MYOM1: variants seen among roughly 807,000 people sequenced by gnomAD.
The protein encoded by MYOM1 is myomesin-1.
A neutral mutation model predicts 205.3 loss-of-function variants in MYOM1; 164 were observed. The observed-to-expected ratio is 0.80, with a 90% CI of 0.70 to 0.91. The LOEUF (loss-of-function observed/expected upper bound fraction) is 0.91, where lower values mean the gene tolerates loss of function less well. MYOM1 is among the 40% of genes least tolerant of loss of function. The pLI, the probability that MYOM1 is intolerant of heterozygous loss-of-function variation, is 0.00. For missense variants in MYOM1, 2,011 were observed against 2,127.3 expected, an observed-to-expected ratio of 0.95 and a Z score of 1.08; for synonymous variants, 772 against 789.4, an observed-to-expected ratio of 0.98 and a Z score of 0.37.
At chr18:3,242,103 A>T in the MYOM1 span, among the ~76,000 whole-genome samples, 1 of 152,052 alleles carries the variant, frequency 6.6e-6, no homozygotes. Context: ...TGGACTGTGG[A>T]CTTCTGAGTT....
At chr18:3,215,355 G>A (rs1383571878) in intron 1 of MYOM1, 104 bp from the exon 2 acceptor site, 6 of 946,568 alleles carry the variant, frequency 6.3e-6, no homozygotes, top group Non-Finnish European at 9.2e-6. Context: ...GCTGGGTGCG[G>A]TGGTTCATGC....
intron 14 of MYOM1, among the ~76,000 whole-genome samples, chr18:3,136,074 G>A (rs542031755): frequency 6.6e-6 from 1 of 152,010 alleles, no homozygotes; most frequent in South Asian, 2.1e-4. Context: ...TAAGTCTCAT[G>A]AGAGCTGATG....
intron 10 of MYOM1, among the ~76,000 whole-genome samples, chr18:3,163,834 GTTTT>G (rs2080430494): frequency 1.6e-5 from 2 of 124,060 alleles, no homozygotes; most frequent in African/African-American, 9.0e-5. Context: ...TTTTTTTTTG[GTTTT>G]GTTTTGTTTT....
At chr18:3,243,399 T>C in the MYOM1 span, among the ~76,000 whole-genome samples, 6 of 152,378 alleles carry the variant, frequency 3.9e-5, no homozygotes, top group Non-Finnish European at 8.8e-5. Context: ...ATAAAATCAT[T>C]GACTTAGGTT....
Position 3,173,717 on chromosome 18 carries a change from G to A in MYOM1, c.1174+221C>T, listed in dbSNP as rs10153406. Among the ~76,000 whole-genome samples the A allele has an allele frequency of 0.1, 15,143 of 151,320 alleles. 1,033 individuals are homozygous for A. The highest frequency in any genetic ancestry group is 0.19 in the African/African-American group (7,987 of 41,136). ...TGCTATTTTTAGCCCATCATATCTG[G>A]GCTTTCATAAAACCAGCACAAAGCA... On this transcript the variant is annotated intron_variant, in intron 8 of 37. Coordinates refer to ENST00000356443, the MANE Select transcript of MYOM1 (RefSeq NM_003803.4).
intron 22 of MYOM1, among the ~76,000 whole-genome samples, chr18:3,111,227 C>G (rs2079523184): frequency 6.7e-6 from 1 of 148,874 alleles, no homozygotes; most frequent in Non-Finnish European, 1.5e-5. Flanking sequence ...CAGACATGAG[C>G]CACAGTGCCT....
In MYOM1 at chr18:3,209,612, C is replaced by A. The variant is rs2081167494; in HGVS notation, c.290+5322G>T. Among the ~76,000 whole-genome samples the A allele has an allele frequency of 6.6e-6, 1 of 152,252 alleles. No homozygotes were observed. The highest frequency in any genetic ancestry group is 1.5e-5 in the Non-Finnish European group (1 of 68,044). ...CTGCACTATCCATCACTCCCCCATT[C>A]CCTTGCATGGGCCTCGATGCTGTTC... On this transcript the variant is annotated intron_variant, in intron 2 of 37. Transcript: ENST00000356443. The surrounding 1 kb of genome is among the most constrained non-coding windows in gnomAD (Gnocchi z 4.0).
intron 25 of MYOM1, among the ~76,000 whole-genome samples, chr18:3,096,815 A>T (rs2079311813): frequency 6.6e-6 from 1 of 152,146 alleles, no homozygotes; most frequent in Admixed American, 6.5e-5. Flanking sequence ...CCCCCTCAAA[A>T]TACCTTGAAT....
rs148165572 is a variant in MYOM1, at chr18:3,096,897, T to C, written c.3728-2591A>G. On this transcript the variant is annotated intron_variant, in intron 25 of 37. Transcript: ENST00000356443. ...CAATTTAGTATCAATACTGGCAAGATAGACTAAGTCGATTTCTATTTTTAG... is the reference window on the plus strand; with the variant it reads ...CAATTTAGTATCAATACTGGCAAGACAGACTAAGTCGATTTCTATTTTTAG... 7.2e-5 allele frequency among the ~76,000 whole-genome samples: 11 copies of C among 152,308 alleles called. No homozygotes were observed. The East Asian group carries it at 1.7e-3, about 24-fold the overall frequency.
chr18:3,188,661 A>C (rs1422557679), intron 4 of MYOM1, 87 bp downstream of exon 4: 10 of 1,268,826 alleles, frequency 7.9e-6, no homozygotes, highest in Non-Finnish European at 8.3e-6. Flanking sequence ...AAATCAATCT[A>C]TATCTACACA....
chr18:3,067,279 C>A lies in MYOM1; in HGVS notation c.5041G>T (p.Gly1681Cys). ...ACCTCCGGTCACTTGGCCTTCTTGC[C>A]ACCTTTCAGGGACTCCAAGGCGGCC... ...RMAALESLKG[G>C]KKAK Residue 1681 changes from glycine to cysteine, a missense_variant, in exon 38 of 38, where the codon GGC becomes TGC. By Grantham distance (159) the Gly-to-Cys change is radical. Transcript: ENST00000356443. 6.2e-7 allele frequency: 1 copy of A among 1,603,948 alleles called. No homozygotes were observed. The highest frequency in any genetic ancestry group is 1.1e-5 in the South Asian group (1 of 89,632).
At chr18:3,131,570 T>A in intron 16 of MYOM1, 74 bp from the exon 17 acceptor site, 1 of 1,308,084 alleles carries the variant, frequency 7.6e-7, no homozygotes, top group Non-Finnish European at 1.1e-6. Flanking sequence ...CTTAATGGAG[T>A]GGATCTGGCT....
chr18:3,129,238 C>T lies in MYOM1; in HGVS notation c.2788G>A (p.Asp930Asn), dbSNP rs1188848520. 41 of 1,613,206 alleles carry T rather than the reference C, an allele frequency of 2.5e-5. No individual in the cohort carries two copies. Among genetic ancestry groups the T allele is most frequent in the Non-Finnish European group, 3.2e-5 (38 of 1,179,560 alleles). The change falls in exon 18 of 38, where the codon GAC (aspartate) becomes AAC (asparagine). Residue 930 changes from aspartate to asparagine, a missense_variant. Coordinates refer to ENST00000356443, the MANE Select transcript of MYOM1 (RefSeq NM_003803.4). The stretch of plus-strand genomic sequence containing the variant: ...TCCCTTTCTCAACTCTCACCTCTGT[C>T]TGTCTTCTTTTTCAGGGGGTCAGAC... ...SKSDPLKKKT[D>N]RAPPSPPCDI...
intron 36 of MYOM1, among the ~76,000 whole-genome samples, chr18:3,075,075 G>A (rs1310095190): frequency 6.6e-6 from 1 of 152,134 alleles, no homozygotes; most frequent in Non-Finnish European, 1.5e-5. Context: ...GATTGCAGGC[G>A]TGAGCCACCA....
At chr18:3,082,752 G>C (rs2079098858) in intron 33 of MYOM1, among the ~76,000 whole-genome samples, 1 of 152,158 alleles carries the variant, frequency 6.6e-6, no homozygotes, top group Non-Finnish European at 1.5e-5. Context: ...GGCCTGGTTT[G>C]ATTTGGAAAC....
rs1296349285 is a variant in MYOM1, at chr18:3,179,914, C to T, written c.930-3780G>A. ...AGCGCTGTGATACCAACGGCTGTGACATGTGCTGTTTGACCAAATGACTCA... is the reference window on the plus strand; with the variant it reads ...AGCGCTGTGATACCAACGGCTGTGATATGTGCTGTTTGACCAAATGACTCA... On this transcript the variant is annotated intron_variant, in intron 5 of 37. Transcript: ENST00000356443. The surrounding 1 kb of genome is among the most constrained non-coding windows in gnomAD (Gnocchi z 4.4). Among the ~76,000 whole-genome samples, 1 of 152,168 alleles carries T rather than the reference C, an allele frequency of 6.6e-6. No individual in the cohort carries two copies. The highest frequency in any genetic ancestry group is 1.5e-5 in the Non-Finnish European group (1 of 68,040).
rs182331802 is a variant in MYOM1 at position 3,069,366 on chromosome 18, C to T, written c.4765-1811G>A. Among the ~76,000 whole-genome samples the T allele has an allele frequency of 9.5e-4, 145 of 152,244 alleles. 2 individuals are homozygous for T. Among genetic ancestry groups the T allele is most frequent in the African/African-American group, 3.3e-3 (138 of 41,524 alleles). On this transcript the variant is annotated intron_variant, in intron 37 of 37. Coordinates refer to ENST00000356443, the MANE Select transcript of MYOM1 (RefSeq NM_003803.4). The stretch of plus-strand genomic sequence containing the variant: ...CTTGTATTTTTCTCTTACTAAAATC[C>T]AGATGTGATAAGGAAAGAACTAGGG...
At chr18:3,100,060 T>G in intron 25 of MYOM1, 99 bp downstream of exon 25, 1 of 1,212,228 alleles carries the variant, frequency 8.2e-7, no homozygotes, top group Admixed American at 1.8e-5. Flanking sequence ...TTCTCAAGAG[T>G]CTCTCTCTTA....
chr18:3,094,133 A>G lies in MYOM1; in HGVS notation c.3864+37T>C, dbSNP rs116886106. On this transcript the variant is annotated intron_variant, in intron 26 of 37. Coordinates refer to ENST00000356443, the MANE Select transcript of MYOM1 (RefSeq NM_003803.4). ...TAAGGCTTCCTCAGTGTATTCTACA[A>G]TGATACATTAAAAAGTCTAAACAGT... The G allele has an allele frequency of 0.02, 31,323 of 1,603,924 alleles. 542 individuals carry two copies. Among genetic ancestry groups the G allele is most frequent in the South Asian group, 0.074 (6,655 of 90,384 alleles).
Sources: gnomAD v4.1 joint callset for allele counts (sites outside exome capture counted in the v4.1 genomes callset) on GRCh38, gnomAD v4.1.1 for gene constraint, Gnocchi (gnomAD v3.1) non-coding constraint, MANE v1.5 for transcripts, NCBI Gene and HGNC (gene_info 2026-07-23, HGNC 2026-07-21) for gene names.